GNAQ: variants seen among roughly 807,000 people sequenced by gnomAD.
GNAQ encodes the protein G protein subunit alpha q, also known as guanine nucleotide-binding protein G(q) subunit alpha.
GNAQ carries 8 observed loss-of-function variants against 43.9 expected under a neutral mutation model. The ratio of observed to expected loss-of-function variants is 0.18; its 90% confidence interval spans 0.11 to 0.33. The LOEUF is 0.33. Ranked by LOEUF, GNAQ falls within the 10% of genes least tolerant of loss-of-function variation. The probability of loss-of-function intolerance (pLI) is 1.00; values close to 1 mark genes in which losing one functional copy is unlikely to be tolerated. For missense variants in GNAQ, 158 were observed against 450.8 expected (o/e 0.35, Z 5.88); for synonymous variants, 155 against 170.7 (o/e 0.91, Z 0.71).
intron 1 of GNAQ, among the ~76,000 whole-genome samples, chr9:77,986,598 T>C (rs752321643): frequency 6.6e-6 from 1 of 152,138 alleles, no homozygotes; most frequent in Non-Finnish European, 1.5e-5. Flanking sequence ...CTCGACATAC[T>C]GGGCTCAAAT....
intron 2 of GNAQ, among the ~76,000 whole-genome samples, chr9:77,858,601 T>A (rs1425051171): frequency 6.6e-6 from 1 of 152,078 alleles, no homozygotes; most frequent in Non-Finnish European, 1.5e-5. Flanking sequence ...TCCTCTGTAG[T>A]GTCTGACGCC....
At chr9:77,824,270 G>A (rs1366507140) in intron 2 of GNAQ, among the ~76,000 whole-genome samples, 1 of 152,148 alleles carries the variant, frequency 6.6e-6, no homozygotes, top group African/African-American at 2.4e-5. Context: ...GACCTTAATA[G>A]TTTTAATTCA....
At chr9:77,845,476 C>T (rs1050881491) in intron 2 of GNAQ, among the ~76,000 whole-genome samples, 1 of 152,136 alleles carries the variant, frequency 6.6e-6, no homozygotes, top group Non-Finnish European at 1.5e-5. Flanking sequence ...GAAAATCTAA[C>T]CAGTTCCTTT....
intron 5 of GNAQ, among the ~76,000 whole-genome samples, chr9:77,751,950 T>C (rs1206760901): frequency 1.3e-5 from 2 of 152,230 alleles, no homozygotes; most frequent in Non-Finnish European, 2.9e-5. Context: ...GCCACTGTCC[T>C]GAAAAATGAT....
intron 2 of GNAQ, among the ~76,000 whole-genome samples, chr9:77,884,434 T>C (rs1190524325): frequency 6.6e-6 from 1 of 152,230 alleles, no homozygotes; most frequent in East Asian, 1.9e-4. Flanking sequence ...AGAAGGCTTA[T>C]TTCAAGCGGG....
intron 2 of GNAQ, among the ~76,000 whole-genome samples, chr9:77,826,618 G>C (rs1251743361): frequency 3.9e-5 from 6 of 152,186 alleles, no homozygotes; most frequent in Admixed American, 1.3e-4. Flanking sequence ...AGTGTTATAA[G>C]GGCCTACGGC....
At chr9:77,924,591 G>C (rs1829041704) in intron 1 of GNAQ, among the ~76,000 whole-genome samples, 1 of 152,108 alleles carries the variant, frequency 6.6e-6, no homozygotes, top group Non-Finnish European at 1.5e-5. Context: ...TGAAGTATAA[G>C]CACACTGGCA....
chr9:77,924,222 T>C (rs1194800342), intron 1 of GNAQ, among the ~76,000 whole-genome samples: 5 of 152,158 alleles, frequency 3.3e-5, no homozygotes, highest in Non-Finnish European at 5.9e-5. Context: ...CAACCATGAA[T>C]ACTGGATAAA....
chr9:77,898,490 C>G (rs1352950083), intron 2 of GNAQ, among the ~76,000 whole-genome samples: 2 of 152,144 alleles, frequency 1.3e-5, no homozygotes, highest in African/African-American at 4.8e-5. Context: ...GCTTGTAACC[C>G]AGCTAGCAGG....
At chr9:77,831,715 T>C (rs1384767677) in intron 2 of GNAQ, among the ~76,000 whole-genome samples, 2 of 152,224 alleles carry the variant, frequency 1.3e-5, no homozygotes, top group African/African-American at 4.8e-5. Context: ...CCACGTGATA[T>C]AATGGACACT....
At chr9:77,829,644 G>A (rs1827264274) in intron 2 of GNAQ, among the ~76,000 whole-genome samples, 1 of 152,194 alleles carries the variant, frequency 6.6e-6, no homozygotes, top group Non-Finnish European at 1.5e-5. Flanking sequence ...ATGAATCAGA[G>A]AACAGAGGGG....
intron 2 of GNAQ, among the ~76,000 whole-genome samples, chr9:77,827,565 C>T (rs1186591081): frequency 2.0e-5 from 3 of 151,978 alleles, no homozygotes; most frequent in African/African-American, 7.2e-5. Flanking sequence ...TGTCTGATAA[C>T]ATTCTGATCT....
At chr9:77,937,225 T>C (rs1323655372) in intron 1 of GNAQ, among the ~76,000 whole-genome samples, 1 of 151,496 alleles carries the variant, frequency 6.6e-6, no homozygotes, top group Non-Finnish European at 1.5e-5. Flanking sequence ...GCAGATCACT[T>C]GAGGTCGAGT....
At chr9:77,847,664 G>A (rs778174261) in intron 2 of GNAQ, among the ~76,000 whole-genome samples, 1 of 152,208 alleles carries the variant, frequency 6.6e-6, no homozygotes, top group Admixed American at 6.5e-5. Context: ...GTAAAATAAG[G>A]ATTTGGTCAA....
chr9:77,793,672 A>G (rs1330104269), intron 5 of GNAQ, among the ~76,000 whole-genome samples: 1 of 152,096 alleles, frequency 6.6e-6, no homozygotes, highest in African/African-American at 2.4e-5. Flanking sequence ...CTCTAACAGG[A>G]TATCAATGGT....
At chr9:77,986,649 G>C (rs1003256795) in intron 1 of GNAQ, among the ~76,000 whole-genome samples, 1 of 152,056 alleles carries the variant, frequency 6.6e-6, no homozygotes, top group African/African-American at 2.4e-5. Flanking sequence ...GGGACTACAG[G>C]TGTGCATCAA....
intron 1 of GNAQ, among the ~76,000 whole-genome samples, chr9:78,011,991 T>G (rs1304215586): frequency 6.6e-6 from 1 of 152,168 alleles, no homozygotes; most frequent in Non-Finnish European, 1.5e-5. Context: ...TATAAAACAC[T>G]GAAGCATAAC....
intron 1 of GNAQ, among the ~76,000 whole-genome samples, chr9:77,934,257 G>A (rs981992649): frequency 2.0e-5 from 3 of 152,140 alleles, no homozygotes; most frequent in Admixed American, 1.3e-4. Flanking sequence ...TCTCTCCAGC[G>A]TTGGATTTTA....
intron 2 of GNAQ, among the ~76,000 whole-genome samples, chr9:77,906,030 T>C (rs1828702459): frequency 2.0e-5 from 3 of 152,116 alleles, no homozygotes; most frequent in African/African-American, 7.2e-5. Flanking sequence ...CAAACCACCA[T>C]GGCACATGTA....
Sources: gnomAD v4.1 joint callset for allele counts (sites outside exome capture counted in the v4.1 genomes callset) on GRCh38, gnomAD v4.1.1 for gene constraint, MANE v1.5 for transcripts, NCBI Gene and HGNC (gene_info 2026-07-23, HGNC 2026-07-21) for gene names.